Variants in RAI14 observed in about 807,000 individuals in gnomAD.
The protein encoded by RAI14 is retinoic acid induced 14, also known as ankycorbin.
In RAI14, 45 loss-of-function variants were observed where a neutral mutation model predicts 115.4. That is an observed-to-expected ratio of 0.39 (90% CI 0.31 to 0.50). RAI14 has a LOEUF of 0.50. Ranked by LOEUF, RAI14 falls within the 20% of genes least tolerant of loss-of-function variation. The probability of loss-of-function intolerance (pLI) is 0.85; values close to 1 mark genes in which losing one functional copy is unlikely to be tolerated. For synonymous variants in RAI14, 371 were observed against 415.4 expected (o/e 0.89, Z 1.30); for missense variants, 939 against 1,131.2 (o/e 0.83, Z 2.44).
At position 34,818,842 on chromosome 5, in the gene RAI14, A is replaced by G. The variant is rs776926297; in HGVS notation, c.985A>G (p.Ser329Gly). The change falls in exon 13 of 18, where the codon AGT (serine) becomes GGT (glycine). Residue 329 changes from serine (S) to glycine (G), a missense_variant. Coordinates refer to ENST00000265109, the MANE Select transcript of RAI14 (RefSeq NM_015577.3). ...AGAAAACAAAGACAGACTAAGTGAC[A>G]GTACTACAGGTAAGACAAGGAAGCA... ...IRENKDRLSD[S>G]TTGADSLLDI... The G allele has an allele frequency of 4.3e-6, 7 of 1,609,226 alleles. No individual in the cohort carries two copies. The Middle Eastern group carries it at 4.9e-4, about 114-fold the overall frequency.
At chr5:34,685,373 C>T (rs746487113) in intron 1 of RAI14, among the ~76,000 whole-genome samples, 1 of 152,194 alleles carries the variant, frequency 6.6e-6, no homozygotes, top group African/African-American at 2.4e-5. Context: ...AACCAAATAC[C>T]GTATGTTCTC....
At chr5:34,754,035 C>A (rs190343096) in intron 2 of RAI14, among the ~76,000 whole-genome samples, 1 of 151,336 alleles carries the variant, frequency 6.6e-6, no homozygotes, top group African/African-American at 2.4e-5. Flanking sequence ...GAGCCAAGAT[C>A]GTGCCACTGC....
At chr5:34,674,354 G>A (rs554022198) in intron 1 of RAI14, among the ~76,000 whole-genome samples, 2 of 152,244 alleles carry the variant, frequency 1.3e-5, no homozygotes, top group South Asian at 2.1e-4. Flanking sequence ...TGTAAATGAC[G>A]TCTCCAACAT....
chr5:34,712,363 A>G (rs1231825736), intron 2 of RAI14, among the ~76,000 whole-genome samples: 1 of 152,188 alleles, frequency 6.6e-6, no homozygotes, highest in African/African-American at 2.4e-5. Context: ...TTCCAAGATG[A>G]TTGGAACAAG....
At chr5:34,740,008 G>A (rs189959012) in intron 2 of RAI14, among the ~76,000 whole-genome samples, 140 of 152,156 alleles carry the variant, frequency 9.2e-4, no homozygotes, top group African/African-American at 3.2e-3. Flanking sequence ...AGCTGAGGTC[G>A]CACCACTGCA....
At chr5:34,659,184 TTTAGCTG>T (rs1742505990) in intron 1 of RAI14, 1 of 152,232 alleles carries the variant, frequency 6.6e-6, no homozygotes. Flanking sequence ...CTTTATTCAC[TTTAGCTG>T]TTACAGAGAA....
At chr5:34,809,210 C>T (rs1408211987) in intron 7 of RAI14, among the ~76,000 whole-genome samples, 3 of 152,196 alleles carry the variant, frequency 2.0e-5, no homozygotes, top group Non-Finnish European at 4.4e-5. Context: ...GATAACTTTG[C>T]CACGAAATAT....
rs1342952842 is a variant in RAI14 at position 34,799,535 on chromosome 5, CACACA to C, written c.256+3510_256+3514del. Among the ~76,000 whole-genome samples the C allele has an allele frequency of 1.2e-3, 66 of 55,492 alleles. 2 individuals carry two copies. Among genetic ancestry groups the C allele is most frequent in the South Asian group, 3.2e-3 (5 of 1,568 alleles). The allele number at this position is 55,492 out of a possible 152,430, so 36.4% of individuals were successfully genotyped here. A position where few individuals can be genotyped will look rare whatever the true frequency, so the allele number is the denominator to read the frequency against. The stretch of plus-strand genomic sequence containing the variant: ...ACACACACACACACACACACACACA[CACACA>C]AAACCACCTTTCAAAATCTATTACA... On this transcript the variant is annotated intron_variant, in intron 4 of 17. Transcript: ENST00000265109.
intron 2 of RAI14, among the ~76,000 whole-genome samples, chr5:34,732,762 T>C (rs1337391622): frequency 1.6e-5 from 2 of 128,338 alleles, no homozygotes; most frequent in Non-Finnish European, 3.4e-5. Context: ...TATGTATACA[T>C]ATATATATTA....
intron 3 of RAI14, among the ~76,000 whole-genome samples, chr5:34,765,996 G>A (rs1162084012): frequency 6.6e-6 from 1 of 152,202 alleles, no homozygotes; most frequent in African/African-American, 2.4e-5. Context: ...CCAAGCCTTG[G>A]CAGCTTCCAC....
At chr5:34,793,101 A>G (rs760871940) in intron 3 of RAI14, among the ~76,000 whole-genome samples, 8 of 152,222 alleles carry the variant, frequency 5.3e-5, no homozygotes, top group Non-Finnish European at 7.3e-5. Flanking sequence ...CATCAAATAT[A>G]TAAATTTAGG....
intron 2 of RAI14, among the ~76,000 whole-genome samples, chr5:34,744,475 G>A (rs1745922615): frequency 6.6e-6 from 1 of 152,256 alleles, no homozygotes; most frequent in East Asian, 1.9e-4. Flanking sequence ...AGCAGACTGA[G>A]GTCTCTCCCT....
chr5:34,669,348 T>G (rs1166753145), intron 1 of RAI14, among the ~76,000 whole-genome samples: 1 of 152,250 alleles, frequency 6.6e-6, no homozygotes, highest in Non-Finnish European at 1.5e-5. Context: ...TGTTACTGTT[T>G]GTGCCTTGTT....
At chr5:34,730,574 G>A (rs1178139020) in intron 2 of RAI14, among the ~76,000 whole-genome samples, 1 of 152,038 alleles carries the variant, frequency 6.6e-6, no homozygotes, top group Admixed American at 6.6e-5. Flanking sequence ...TACTCGGGAG[G>A]CAGAGACACA....
chr5:34,730,258 C>T (rs898296915), intron 2 of RAI14, among the ~76,000 whole-genome samples: 1 of 152,146 alleles, frequency 6.6e-6, no homozygotes, highest in Non-Finnish European at 1.5e-5. Context: ...TCTTTATATG[C>T]ACAAATGTAG....
intron 2 of RAI14, among the ~76,000 whole-genome samples, chr5:34,721,286 GATGTGTATA>G (rs1742690369): frequency 2.7e-5 from 2 of 73,200 alleles, no homozygotes; most frequent in African/African-American, 1.1e-4. Context: ...TGTAGATGTA[GATGTGTATA>G]TATATATATA....
intron 3 of RAI14, among the ~76,000 whole-genome samples, chr5:34,766,737 G>A (rs1353342089): frequency 6.6e-6 from 1 of 152,168 alleles, no homozygotes; most frequent in Non-Finnish European, 1.5e-5. Context: ...TTTGAAATTT[G>A]AGGATTGAAA....
chr5:34,755,476 A>T (rs1196888482), intron 2 of RAI14, among the ~76,000 whole-genome samples: 2 of 152,162 alleles, frequency 1.3e-5, no homozygotes, highest in African/African-American at 4.8e-5. Flanking sequence ...AGCACTAGCC[A>T]CATTTCCAGT....
At chr5:34,769,447 C>A (rs918838018) in intron 3 of RAI14, among the ~76,000 whole-genome samples, 1 of 152,136 alleles carries the variant, frequency 6.6e-6, no homozygotes, top group African/African-American at 2.4e-5. Flanking sequence ...AATGGGAATC[C>A]AGACCTTTTA....
Sources: gnomAD v4.1 joint callset for allele counts (sites outside exome capture counted in the v4.1 genomes callset) on GRCh38, gnomAD v4.1.1 for gene constraint, MANE v1.5 for transcripts, NCBI Gene and HGNC (gene_info 2026-07-23, HGNC 2026-07-21) for gene names.